The following MB21D2 variants were observed in gnomAD, a reference collection of about 807,000 sequenced individuals.
MB21D2 encodes nucleotidyltransferase MB21D2.
MB21D2 carries 9 observed loss-of-function variants against 33.3 expected under a neutral mutation model. The ratio of observed to expected loss-of-function variants is 0.27; its 90% CI spans 0.16 to 0.47. The LOEUF is 0.47. Ranked by LOEUF, MB21D2 falls within the 20% of genes least tolerant of loss-of-function variation. MB21D2 has a pLI of 0.99. For missense variants in MB21D2, 540 were observed against 624.6 expected (o/e 0.86, Z 1.44); for synonymous variants, 241 against 236.3 (o/e 1.02, Z -0.18).
chr3:192,826,159 G>A (rs1265291864), intron 1 of MB21D2, among the ~76,000 whole-genome samples: 1 of 152,194 alleles, frequency 6.6e-6, no homozygotes, highest in Non-Finnish European at 1.5e-5. Context: ...AAAACACTAT[G>A]TGCTTTTTTC....
chr3:192,858,979 A>G (rs1712978010), intron 1 of MB21D2, among the ~76,000 whole-genome samples: 1 of 152,222 alleles, frequency 6.6e-6, no homozygotes, highest in Non-Finnish European at 1.5e-5. Flanking sequence ...GAAAGCTCTT[A>G]GGAATCAGTT....
chr3:192,843,247 T>G (rs933090455), intron 1 of MB21D2, among the ~76,000 whole-genome samples: 10 of 152,244 alleles, frequency 6.6e-5, no homozygotes, highest in Non-Finnish European at 1.3e-4. Flanking sequence ...AAGGATCCTC[T>G]GTCACTAAGT....
chr3:192,858,173 G>T (rs564645832), intron 1 of MB21D2, among the ~76,000 whole-genome samples: 321 of 152,178 alleles, frequency 2.1e-3, no homozygotes, highest in Non-Finnish European at 3.4e-3. Flanking sequence ...TTGGAAACCT[G>T]TAAATTCACT....
chr3:192,849,060 G>A (rs1483480983), intron 1 of MB21D2, among the ~76,000 whole-genome samples: 1 of 152,202 alleles, frequency 6.6e-6, no homozygotes, highest in African/African-American at 2.4e-5. Context: ...ATTCAGTTTT[G>A]TTATGAGATT....
chr3:192,835,153 T>TAAAAAAA (rs1553857240), intron 1 of MB21D2, among the ~76,000 whole-genome samples: 2 of 75,808 alleles, frequency 2.6e-5, no homozygotes, highest in Non-Finnish European at 6.6e-5. Flanking sequence ...AAAGTGTCTT[T>TAAAAAAA]AAAAAAAAAA....
intron 1 of MB21D2, among the ~76,000 whole-genome samples, chr3:192,852,230 C>A (rs1177282324): frequency 6.6e-6 from 1 of 152,238 alleles, no homozygotes; most frequent in Non-Finnish European, 1.5e-5. Context: ...GCATGCACAG[C>A]ACCCATTTCC....
intron 1 of MB21D2, among the ~76,000 whole-genome samples, chr3:192,884,542 AT>A (rs11296156): frequency 0.54 from 81,462 of 150,584 alleles, 22,157 homozygotes; most frequent in East Asian, 0.69. Context: ...AATTTTTTGT[AT>A]TTTTTAGTAG....
chr3:192,893,759 G>C (rs1004015488), intron 1 of MB21D2, among the ~76,000 whole-genome samples: 16 of 152,132 alleles, frequency 1.1e-4, no homozygotes, highest in African/African-American at 3.6e-4. Flanking sequence ...ACCTCTGGCT[G>C]GGGGGTGGCT....
chr3:192,838,271 G>C (rs993815250), intron 1 of MB21D2, among the ~76,000 whole-genome samples: 3 of 152,194 alleles, frequency 2.0e-5, no homozygotes, highest in Admixed American at 2.0e-4. Flanking sequence ...ATCCAAGAGA[G>C]AGCAAGGAGG....
chr3:192,870,751 G>GGA, intron 1 of MB21D2, among the ~76,000 whole-genome samples: 2 of 118,180 alleles, frequency 1.7e-5, no homozygotes, highest in South Asian at 6.4e-4. Context: ...AAGGAAGGAA[G>GGA]ATTGCAAAGG....
rs372319309 is a variant in MB21D2, at chr3:192,890,351, A to T, written c.211+27279T>A. On this transcript the variant is annotated intron_variant, in intron 1 of 1. Coordinates refer to ENST00000392452, the MANE Select transcript of MB21D2 (RefSeq NM_178496.4). ...GAAGGTTTTTTTCCTGGTATTTTCA[A>T]GGCAATATACTTAGGGAAATCATAA... is the stretch of plus-strand genomic sequence containing the variant. 9.3e-4 allele frequency among the ~76,000 whole-genome samples: 142 copies of T among 152,190 alleles called. 3 individuals are homozygous for T. The South Asian group carries it at 0.016, about 17-fold the overall frequency.
chr3:192,812,588 A>G (rs147927629), intron 1 of MB21D2, among the ~76,000 whole-genome samples: 66 of 152,324 alleles, frequency 4.3e-4, no homozygotes, highest in African/African-American at 1.5e-3. Context: ...GAAAGACTCC[A>G]GATCCTCTAT....
intron 1 of MB21D2, among the ~76,000 whole-genome samples, chr3:192,840,415 CTTTTTTTTTTT>C (rs71177380): frequency 4.5e-5 from 4 of 88,290 alleles, no homozygotes; most frequent in East Asian, 7.6e-4. Flanking sequence ...TCTCTTTTTT[CTTTTTTTTTTT>C]TTTTTTTTTT....
chr3:192,805,185 T>G (rs7646191), intron 1 of MB21D2, among the ~76,000 whole-genome samples: 82,951 of 152,064 alleles, frequency 0.55, 23,074 homozygotes, highest in African/African-American at 0.63. Flanking sequence ...TGCCAGTTTT[T>G]CATTTTTATT....
At chr3:192,881,639 G>A (rs1312682540) in intron 1 of MB21D2, among the ~76,000 whole-genome samples, 3 of 152,126 alleles carry the variant, frequency 2.0e-5, no homozygotes, top group East Asian at 3.9e-4. Context: ...AGCTGCAGAA[G>A]CTTATGTCAC....
At chr3:192,808,250 G>C (rs1446742910) in intron 1 of MB21D2, among the ~76,000 whole-genome samples, 1 of 152,168 alleles carries the variant, frequency 6.6e-6, no homozygotes, top group African/African-American at 2.4e-5. Flanking sequence ...TGCATGAACA[G>C]CTCCCACACT....
chr3:192,907,703 T>G (rs966603141), intron 1 of MB21D2, among the ~76,000 whole-genome samples: 2 of 152,202 alleles, frequency 1.3e-5, no homozygotes, highest in African/African-American at 4.8e-5. Flanking sequence ...CAAAGATAAA[T>G]TAGTATTGAT....
At chr3:192,807,219 G>A (rs1711682737) in intron 1 of MB21D2, among the ~76,000 whole-genome samples, 1 of 152,000 alleles carries the variant, frequency 6.6e-6, no homozygotes, top group South Asian at 2.1e-4. Context: ...AGACCCAATA[G>A]AGAGTCTTAT....
Position 192,799,770 on chromosome 3 carries a change from A to G in MB21D2, c.212-120T>C. ...AAAACTCATTATCAGTACTAAATCA[A>G]ATCTCAGGCTGCTGCAGAGACCTGG... On this transcript the variant is annotated intron_variant, in intron 1 of 1. Transcript: ENST00000392452. This position sits in a 1 kb window ranked among gnomAD's most constrained non-coding sequence, Gnocchi z 4.1. 9.2e-7 allele frequency: 1 copy of G among 1,087,908 alleles called. No individual in the cohort carries two copies. The highest frequency in any genetic ancestry group is 1.3e-6 in the Non-Finnish European group (1 of 782,264). 67.4% of individuals were successfully genotyped at this position (1,087,908 alleles called of 1,614,324 possible).
Sources: allele counts gnomAD v4.1 joint callset (sites outside exome capture counted in the v4.1 genomes callset), GRCh38; gene constraint gnomAD v4.1.1; non-coding constraint Gnocchi (gnomAD v3.1); transcripts MANE v1.5; gene names NCBI Gene and HGNC (gene_info 2026-07-23, HGNC 2026-07-21).